Variants in BCS1L observed in about 807,000 individuals in gnomAD.
The protein encoded by BCS1L is mitochondrial chaperone BCS1.
Under a neutral mutation model 49.3 loss-of-function variants are expected in BCS1L, and 38 were observed. The ratio of observed to expected loss-of-function variants is 0.77; its 90% CI spans 0.59 to 1.01. BCS1L has a LOEUF of 1.01. BCS1L is among the 50% of genes least tolerant of loss of function. BCS1L has a pLI of 0.00. For synonymous variants in BCS1L, 193 were observed against 210.1 expected, an observed-to-expected ratio of 0.92 and a Z score of 0.70; for missense variants, 394 against 540.2, an observed-to-expected ratio of 0.73 and a Z score of 2.68.
In BCS1L at chr2:218,660,980, C is replaced by G; in HGVS notation, c.-8C>G. 6.2e-7 allele frequency: 1 copy of G among 1,613,410 alleles called. No homozygotes were observed. Among genetic ancestry groups the G allele is most frequent in the South Asian group, 1.1e-5 (1 of 91,054 alleles). On this transcript the variant is annotated 5_prime_UTR_variant, in exon 2 of 8. Transcript: ENST00000359273. ...AGGGCCTGTAAGGTTTGGTGTTTCC[C>G]TTTCAAGATGCCACTTTCAGACTTT...
chr2:218,659,632 C>G (rs540816120), upstream of BCS1L: 1 of 152,174 alleles, frequency 6.6e-6, no homozygotes, highest in Non-Finnish European at 1.5e-5. The surrounding 1 kb of genome is among the most constrained non-coding windows in gnomAD (Gnocchi z 4.4). Flanking sequence ...GTGGGCTTCT[C>G]TGTGGGTGTG....
At position 218,662,795 on chromosome 2, in the gene BCS1L, C is replaced by T; in HGVS notation, c.890-88C>T. ...GTTAGTGACAAGAGCCCACAAGACA[C>T]ATGGATAAGTAGGGGAACATAGTGG... On this transcript the variant is annotated intron_variant, in intron 6 of 7. Transcript: ENST00000359273. The surrounding 1 kb of genome is among the most constrained non-coding windows in gnomAD (Gnocchi z 5.8). 1 of 1,583,670 alleles carries T rather than the reference C, an allele frequency of 6.3e-7. No individual in the cohort carries two copies. Among genetic ancestry groups the T allele is most frequent in the Non-Finnish European group, 8.7e-7 (1 of 1,152,870 alleles).
At position 218,661,089 on chromosome 2, in the gene BCS1L, G is replaced by A. The variant is rs775260637; in HGVS notation, c.102G>A (p.Lys34=). Residue 34 remains lysine (K), a synonymous_variant, in exon 2 of 8, where the codon AAG becomes AAA. Coordinates refer to ENST00000359273, the MANE Select transcript of BCS1L (RefSeq NM_001079866.2). The surrounding 1 kb of genome is among the most constrained non-coding windows in gnomAD (Gnocchi z 5.9). ...GVGTALALAR[K]GVQLGLVAFR... The stretch of plus-strand genomic sequence containing the variant: ...GCACAGCCCTGGCCCTGGCCCGGAA[G>A]GGTGTCCAACTGGGCCTGGTGGCAT... 1 of 1,614,196 alleles carries A rather than the reference G, an allele frequency of 6.2e-7. No homozygotes were observed. The highest frequency in any genetic ancestry group is 8.5e-7 in the Non-Finnish European group (1 of 1,180,038).
chr2:218,661,230 T>C lies in BCS1L; in HGVS notation c.243T>C (p.Thr81=), dbSNP rs528557556. Reference sequence around the variant, plus strand: ...GTACTCAGCACCTCAGTGTCGAGACTTCGTACCTTCAGCATGAGAGTGGCC... The same window carrying C: ...GTACTCAGCACCTCAGTGTCGAGACCTCGTACCTTCAGCATGAGAGTGGCC... ...STRTQHLSVE[T]SYLQHESGRI... Residue 81 remains threonine, a synonymous_variant, in exon 2 of 8, where the codon ACT becomes ACC. Coordinates refer to ENST00000359273, the MANE Select transcript of BCS1L (RefSeq NM_001079866.2). This position sits in a 1 kb window ranked among gnomAD's most constrained non-coding sequence, Gnocchi z 5.9. The C allele has an allele frequency of 1.2e-6, 2 of 1,614,238 alleles. No homozygotes were observed. The highest frequency in any genetic ancestry group is 3.3e-5 in the Admixed American group (2 of 60,028).
rs375934184 is a variant in BCS1L, at chr2:218,661,320, G to A, written c.320+13G>A. 6.2e-7 allele frequency: 1 copy of A among 1,614,116 alleles called. No individual in the cohort carries two copies. The highest frequency in any genetic ancestry group is 2.2e-5 in the East Asian group (1 of 44,904). The stretch of plus-strand genomic sequence containing the variant: ...ACCATTTTATCTGGTAAGGTGGGGA[G>A]CTAGGGAGGGCTGTGAGAGTAGAAA... On this transcript the variant is annotated intron_variant, in intron 2 of 7. Transcript: ENST00000359273. The surrounding 1 kb of genome is among the most constrained non-coding windows in gnomAD (Gnocchi z 5.9).
In BCS1L at chr2:218,661,375, C is replaced by A; in HGVS notation, c.321-31C>A. 2 of 1,614,218 alleles carry A rather than the reference C, an allele frequency of 1.2e-6. No individual in the cohort carries two copies. Among genetic ancestry groups the A allele is most frequent in the Admixed American group, 1.7e-5 (1 of 60,030 alleles). ...TGATGGGAGCTGGGTTTGACCCATTCACTCACTCAGTTTTGATCGTTCTTA... is the reference window on the plus strand; with the variant it reads ...TGATGGGAGCTGGGTTTGACCCATTAACTCACTCAGTTTTGATCGTTCTTA... On this transcript the variant is annotated intron_variant, in intron 2 of 7. Transcript: ENST00000359273. The surrounding 1 kb of genome is among the most constrained non-coding windows in gnomAD (Gnocchi z 5.9).
Position 218,661,676 on chromosome 2 carries a change from G to T in BCS1L, c.461-83G>T. 6.3e-7 allele frequency: 1 copy of T among 1,583,124 alleles called. No homozygotes were observed. The highest frequency in any genetic ancestry group is 1.1e-5 in the South Asian group (1 of 87,900). ...CATGGGAACAGGGGGCCAGAAGGAA[G>T]CTGTTTGGCACAGCTCCACCTAATT... On this transcript the variant is annotated intron_variant, in intron 3 of 7. Transcript: ENST00000359273. This position sits in a 1 kb window ranked among gnomAD's most constrained non-coding sequence, Gnocchi z 5.9.
upstream of BCS1L, chr2:218,658,865 C>G (rs1036743447): frequency 1.3e-5 from 2 of 152,242 alleles, no homozygotes; most frequent in East Asian, 1.9e-4. Context: ...GCTTATCTTC[C>G]GGGCAGGAGG....
Position 218,660,991 on chromosome 2 carries a change from C to A in BCS1L, c.4C>A (p.Pro2Thr). 1.2e-6 allele frequency: 2 copies of A among 1,613,696 alleles called. No homozygotes were observed. The highest frequency in any genetic ancestry group is 1.7e-6 in the Non-Finnish European group (2 of 1,180,032). The change falls in exon 2 of 8, where the codon CCA becomes ACA. Residue 2 changes from proline (P) to threonine (T), a missense_variant. Pro to Thr is a conservative substitution (Grantham distance 38). Transcript: ENST00000359273. ...GGTTTGGTGTTTCCCTTTCAAGATG[C>A]CACTTTCAGACTTTATTCTGGCTCT... is the stretch of plus-strand genomic sequence containing the variant. M[P>T]LSDFILALKD...
In BCS1L at chr2:218,661,313, G is replaced by A; in HGVS notation, c.320+6G>A. 5 of 1,614,228 alleles carry A rather than the reference G, an allele frequency of 3.1e-6. No homozygotes were observed. The highest frequency in any genetic ancestry group is 2.5e-6 in the Non-Finnish European group (3 of 1,180,046). ...CCTGGAAACCATTTTATCTGGTAAGGTGGGGAGCTAGGGAGGGCTGTGAGA... is the reference window on the plus strand; with the variant it reads ...CCTGGAAACCATTTTATCTGGTAAGATGGGGAGCTAGGGAGGGCTGTGAGA... On this transcript the variant is annotated splice_donor_region_variant and intron_variant, in intron 2 of 7. Coordinates refer to ENST00000359273, the MANE Select transcript of BCS1L (RefSeq NM_001079866.2). This position sits in a 1 kb window ranked among gnomAD's most constrained non-coding sequence, Gnocchi z 5.9.
At chr2:218,658,875 G>A (rs1349333794), upstream of BCS1L, 3 of 152,310 alleles carry the variant, frequency 2.0e-5, no homozygotes, top group Non-Finnish European at 4.4e-5. Flanking sequence ...CGGGCAGGAG[G>A]GCTGAGGAAG....
Position 218,662,469 on chromosome 2 carries a change from T to C in BCS1L, c.720-41T>C, listed in dbSNP as rs773132859. ...GAGTAGCTGGGCCTGAGGAAGCATT[T>C]CCAGGTTGCCTGCTACCTCCTGCCA... On this transcript the variant is annotated intron_variant, in intron 5 of 7. Coordinates refer to ENST00000359273, the MANE Select transcript of BCS1L (RefSeq NM_001079866.2). This position sits in a 1 kb window ranked among gnomAD's most constrained non-coding sequence, Gnocchi z 5.8. 5.0e-6 allele frequency: 8 copies of C among 1,612,424 alleles called. No individual in the cohort carries two copies. In the East Asian group the frequency reaches 1.6e-4, roughly 31 times the overall value.
Position 218,661,657 on chromosome 2 carries a change from A to G in BCS1L, c.461-102A>G, listed in dbSNP as rs1575107451. 2.5e-6 allele frequency: 4 copies of G among 1,579,420 alleles called. No homozygotes were observed. The highest frequency in any genetic ancestry group is 4.6e-5 in the East Asian group (2 of 43,346). On this transcript the variant is annotated intron_variant, in intron 3 of 7. Transcript: ENST00000359273. This position sits in a 1 kb window ranked among gnomAD's most constrained non-coding sequence, Gnocchi z 5.9. ...AAGCAGGCCGGGGTGAGCCCATGGGAACAGGGGGCCAGAAGGAAGCTGTTT... is the reference window on the plus strand; with the variant it reads ...AAGCAGGCCGGGGTGAGCCCATGGGGACAGGGGGCCAGAAGGAAGCTGTTT...
chr2:218,660,421 G>GCC, intron 1 of BCS1L: 5 of 154,566 alleles, frequency 3.2e-5, no homozygotes, highest in South Asian at 2.0e-4. Context: ...TGAAGCAGGA[G>GCC]GTGAAGACCT....
Position 218,662,366 on chromosome 2 carries a change from T to C in BCS1L, c.719+106T>C. On this transcript the variant is annotated intron_variant, in intron 5 of 7. Coordinates refer to ENST00000359273, the MANE Select transcript of BCS1L (RefSeq NM_001079866.2). This position sits in a 1 kb window ranked among gnomAD's most constrained non-coding sequence, Gnocchi z 5.8. ...TGAATCTGGGGATCGGGGACCAGGA[T>C]AAACATGAAACGTGTGGAACATCAG... The C allele has an allele frequency of 6.7e-7, 1 of 1,494,446 alleles. No homozygotes were observed. The allele number at this position is 1,494,446 out of a possible 1,614,324, so 92.6% of individuals were successfully genotyped here. A position where few individuals can be genotyped will look rare whatever the true frequency, so the allele number is the denominator to read the frequency against.
rs1166753570 is a variant in BCS1L, at chr2:218,659,984, G to C, written c.-50+241G>C. ...CCAGGCGCAGGGCAAAGTGGCCGGG[G>C]TTCGGGGTTGGAGGAGAGGTGTACT... On this transcript the variant is annotated intron_variant, in intron 1 of 7. Transcript: ENST00000359273. This position sits in a 1 kb window ranked among gnomAD's most constrained non-coding sequence, Gnocchi z 4.4. The C allele has an allele frequency of 6.6e-6, 1 of 152,294 alleles. No individual in the cohort carries two copies. Among genetic ancestry groups the C allele is most frequent in the African/African-American group, 2.4e-5 (1 of 41,450 alleles). 9.4% of individuals were successfully genotyped at this position (152,294 alleles called of 1,614,324 possible).
chr2:218,662,568 A>C lies in BCS1L; in HGVS notation c.778A>C (p.Ser260Arg), dbSNP rs778912513. Residue 260 changes from serine to arginine, a missense_variant, in exon 6 of 8, where the codon AGC becomes CGC. Ser to Arg is a moderately radical substitution (Grantham distance 110). Transcript: ENST00000359273. This position sits in a 1 kb window ranked among gnomAD's most constrained non-coding sequence, Gnocchi z 5.8. ...SICLLSLTDSSLSDDRLNHLL... is the reference protein window; with the variant it reads ...SICLLSLTDSRLSDDRLNHLL... ...CTGCCTGCTGAGCCTCACGGACTCC[A>C]GCCTCTCTGATGACCGACTCAACCA... 3 of 1,614,198 alleles carry C rather than the reference A, an allele frequency of 1.9e-6. No homozygotes were observed. The highest frequency in any genetic ancestry group is 2.5e-6 in the Non-Finnish European group (3 of 1,180,048).
At chr2:218,663,071 A>G in intron 7 of BCS1L, 63 bp from the exon 8 acceptor site, 1 of 1,614,100 alleles carries the variant, frequency 6.2e-7, no homozygotes, top group Non-Finnish European at 8.5e-7. Flanking sequence ...TGGGAGGAAC[A>G]GGAGGTCGAG....
Position 218,662,610 on chromosome 2 carries a change from C to A in BCS1L, c.820C>A (p.Pro274Thr). 6.2e-7 allele frequency: 1 copy of A among 1,614,206 alleles called. No individual in the cohort carries two copies. The highest frequency in any genetic ancestry group is 8.5e-7 in the Non-Finnish European group (1 of 1,180,034). ...DRLNHLLSVA[P>T]QQSLVLLEDV... ...ACTCAACCACCTGCTGAGCGTGGCC[C>A]CGCAGCAGAGCCTGGTACTCCTGGA... The change falls in exon 6 of 8, where the codon CCG becomes ACG. Residue 274 changes from proline (P) to threonine (T), a missense_variant. Physicochemically the swap from Pro to Thr is conservative, Grantham distance 38 (BLOSUM62 -1). Coordinates refer to ENST00000359273, the MANE Select transcript of BCS1L (RefSeq NM_001079866.2). This position sits in a 1 kb window ranked among gnomAD's most constrained non-coding sequence, Gnocchi z 5.8.
Sources: gnomAD v4.1 joint callset for allele counts on GRCh38, gnomAD v4.1.1 for gene constraint, Gnocchi (gnomAD v3.1) non-coding constraint, MANE v1.5 for transcripts, NCBI Gene and HGNC (gene_info 2026-07-23, HGNC 2026-07-21) for gene names.